KDM6A: variants seen among roughly 807,000 people sequenced by gnomAD.
The protein encoded by KDM6A is lysine-specific demethylase 6A.
A neutral mutation model predicts 117.6 loss-of-function variants in KDM6A; 11 were observed. The ratio of observed to expected loss-of-function variants is 0.09; its 90% CI spans 0.06 to 0.15. KDM6A has a LOEUF of 0.15. Ranked by LOEUF, KDM6A falls within the 10% of genes least tolerant of loss-of-function variation. The pLI, the probability that KDM6A is intolerant of heterozygous loss-of-function variation, is 1.00. For synonymous variants in KDM6A, 384 were observed against 396.1 expected (o/e 0.97, Z 0.36); for missense variants, 799 against 1,077.3 (o/e 0.74, Z 3.62).
At chrX:44,974,559 A>G (rs952727459) in intron 3 of KDM6A, 107 bp from the exon 4 acceptor site, 37 of 560,902 alleles carry the variant, frequency 6.6e-5, no homozygotes, top group Admixed American at 1.7e-4. Context: ...AAATATCACT[A>G]TCTACTGGGA....
chrX:45,008,033 C>G (rs1294859262), intron 4 of KDM6A, among the ~76,000 whole-genome samples: 4 of 111,509 alleles, frequency 3.6e-5, no homozygotes, highest in Admixed American at 9.5e-5. Flanking sequence ...AAAATCACCT[C>G]TAGTTTGAGG....
rs747505929 is a variant in KDM6A at position 45,063,776 on chromosome X, G to A, written c.2038G>A (p.Ala680Thr). 22 of 1,205,381 alleles carry A rather than the reference G, an allele frequency of 1.8e-5. No homozygotes were observed. The highest frequency in any genetic ancestry group is 3.0e-5 in the East Asian group (1 of 33,587). ...TAACCGCACAAACCTGACCAGCAGC[G>A]CAGAGGAGCCGTGGAAAAACCAACT... Reference protein sequence around the residue: ...PHNRTNLTSSAEEPWKNQLSN... With the variant: ...PHNRTNLTSSTEEPWKNQLSN... The change falls in exon 17 of 30, where the codon GCA becomes ACA. Residue 680 changes from alanine (A) to threonine (T), a missense_variant. This residue lies in a region of KDM6A where 301 missense variants were observed against 318.3 expected (regional missense o/e 0.95). Transcript: ENST00000611820.
At chrX:45,028,560 G>C (rs1173492342) in intron 6 of KDM6A, among the ~76,000 whole-genome samples, 1 of 112,074 alleles carries the variant, frequency 8.9e-6, no homozygotes, top group African/African-American at 3.2e-5. Flanking sequence ...AGTTTCACCT[G>C]AGTGTAACAT....
intron 2 of KDM6A, among the ~76,000 whole-genome samples, chrX:44,949,361 C>T (rs1045416459): frequency 2.7e-5 from 3 of 111,717 alleles, no homozygotes; most frequent in Admixed American, 1.9e-4. Context: ...TGCCTCTGCA[C>T]CCTAGCCTCG....
intron 27 of KDM6A, among the ~76,000 whole-genome samples, chrX:45,101,239 G>A (rs1191801935): frequency 9.0e-6 from 1 of 111,348 alleles, no homozygotes; most frequent in East Asian, 2.8e-4. Flanking sequence ...GGGAACTGCG[G>A]ACAGATTGCT....
intron 27 of KDM6A, among the ~76,000 whole-genome samples, chrX:45,097,485 A>G (rs771706930): frequency 9.0e-6 from 1 of 111,723 alleles, no homozygotes; most frequent in African/African-American, 3.2e-5. Context: ...AAACATAGAA[A>G]TAGTCACTCT....
chrX:45,086,189 A>G, intron 25 of KDM6A: 1 of 381,137 alleles, frequency 2.6e-6, no homozygotes, highest in South Asian at 3.6e-5. Context: ...AACTTCATGC[A>G]GTAGTAGTAC....
At chrX:45,075,581 A>C (rs2045075842) in intron 18 of KDM6A, among the ~76,000 whole-genome samples, 1 of 111,510 alleles carries the variant, frequency 9.0e-6, no homozygotes, top group Non-Finnish European at 1.9e-5. Flanking sequence ...GTTGTAGTTG[A>C]AAAAATTAAG....
intron 4 of KDM6A, among the ~76,000 whole-genome samples, chrX:44,996,098 A>T (rs1465894144): frequency 9.1e-6 from 1 of 109,909 alleles, no homozygotes; most frequent in Non-Finnish European, 1.9e-5. Flanking sequence ...AATTTAAGAG[A>T]TAGGGTCTTC....
intron 3 of KDM6A, among the ~76,000 whole-genome samples, chrX:44,973,315 TCC>T (rs2039452072): frequency 9.0e-6 from 1 of 111,323 alleles, no homozygotes. Context: ...TCTTGGGTAT[TCC>T]CATGGCCTCT....
chrX:44,906,635 T>C (rs760935364), intron 2 of KDM6A, among the ~76,000 whole-genome samples: 108 of 110,739 alleles, frequency 9.8e-4, no homozygotes, highest in Middle Eastern at 4.7e-3. Flanking sequence ...TGTATATATA[T>C]ATGTAGAGAG....
At chrX:45,101,343 C>T (rs2046333601) in intron 27 of KDM6A, among the ~76,000 whole-genome samples, 2 of 110,915 alleles carry the variant, frequency 1.8e-5, no homozygotes, top group South Asian at 3.7e-4. Context: ...TCTTAGCATA[C>T]GATAAGCATT....
intron 2 of KDM6A, among the ~76,000 whole-genome samples, chrX:44,899,389 G>C (rs1053696452): frequency 9.2e-6 from 1 of 108,703 alleles, no homozygotes; most frequent in Non-Finnish European, 1.9e-5. Context: ...CTATATGCCC[G>C]GCTCCACTGA....
chrX:44,946,656 G>A (rs748352675), intron 2 of KDM6A, among the ~76,000 whole-genome samples: 4 of 110,616 alleles, frequency 3.6e-5, no homozygotes, highest in Non-Finnish European at 7.6e-5. Context: ...CCATTTTTCC[G>A]TGTTTTCTTC....
intron 27 of KDM6A, among the ~76,000 whole-genome samples, chrX:45,098,730 A>T (rs1218204073): frequency 1.8e-5 from 2 of 112,080 alleles, no homozygotes; most frequent in African/African-American, 6.5e-5. Context: ...TTAGCTGTTG[A>T]GTTTTCCGAA....
chrX:45,066,017 G>T (rs7882149), intron 17 of KDM6A, among the ~76,000 whole-genome samples: 1 of 110,917 alleles, frequency 9.0e-6, no homozygotes, highest in Non-Finnish European at 1.9e-5. Flanking sequence ...TTTACCCCAC[G>T]ACCTGTGTTT....
chrX:44,894,949 T>C (rs2033696164), intron 2 of KDM6A, among the ~76,000 whole-genome samples: 1 of 109,761 alleles, frequency 9.1e-6, no homozygotes, highest in Non-Finnish European at 1.9e-5. Context: ...GTATTTTTAG[T>C]TTAGACGGGG....
At chrX:45,083,197 CGTG>C (rs1428689547) in intron 23 of KDM6A, among the ~76,000 whole-genome samples, 37 of 110,794 alleles carry the variant, frequency 3.3e-4, no homozygotes, top group African/African-American at 1.1e-3. Flanking sequence ...GAAATAGTTA[CGTG>C]AAAATGTATT....
intron 27 of KDM6A, among the ~76,000 whole-genome samples, chrX:45,098,237 C>CT (rs1339396859): frequency 1.8e-5 from 2 of 112,111 alleles, no homozygotes; most frequent in Admixed American, 1.9e-4. Context: ...AATGAGAAGT[C>CT]TTTATCATTT....
Sources: allele counts gnomAD v4.1 joint callset (sites outside exome capture counted in the v4.1 genomes callset), GRCh38; gene constraint gnomAD v4.1.1; regional missense constraint gnomAD v4.1.1; transcripts MANE v1.5; gene names NCBI Gene and HGNC (gene_info 2026-07-23, HGNC 2026-07-21).